Variants in ELMO1 observed in about 807,000 individuals in gnomAD.
ELMO1 encodes engulfment and cell motility 1.
ELMO1 carries 26 observed loss-of-function variants against 98.9 expected under a neutral mutation model. The observed-to-expected ratio is 0.26, with a 90% confidence interval of 0.19 to 0.36. The LOEUF (loss-of-function observed/expected upper bound fraction) is 0.36, where lower values mean the gene tolerates loss of function less well. Ranked by LOEUF, ELMO1 falls within the 10% of genes least tolerant of loss-of-function variation. ELMO1 has a pLI of 1.00. For missense variants in ELMO1, 627 were observed against 935.2 expected, an observed-to-expected ratio of 0.67 and a Z score of 4.30; for synonymous variants, 346 against 346.0, an observed-to-expected ratio of 1.00 and a Z score of 0.00.
At chr7:37,265,013 T>C (rs1007279670) in intron 5 of ELMO1, among the ~76,000 whole-genome samples, 1 of 152,200 alleles carries the variant, frequency 6.6e-6, no homozygotes, top group South Asian at 2.1e-4. Flanking sequence ...GTTTGCTGTG[T>C]CCCTTCAGAA....
chr7:37,187,357 C>T (rs1011620900), intron 13 of ELMO1, among the ~76,000 whole-genome samples: 1 of 152,086 alleles, frequency 6.6e-6, no homozygotes, highest in African/African-American at 2.4e-5. Flanking sequence ...AATGAAAATG[C>T]TCTAAAATTG....
intron 15 of ELMO1, among the ~76,000 whole-genome samples, chr7:37,079,379 A>C (rs979324100): frequency 6.6e-6 from 1 of 152,230 alleles, no homozygotes; most frequent in African/African-American, 2.4e-5. Context: ...GACACTCTTG[A>C]AAAAGTATAA....
At chr7:37,155,117 T>C (rs1381491128) in intron 13 of ELMO1, among the ~76,000 whole-genome samples, 2 of 152,194 alleles carry the variant, frequency 1.3e-5, no homozygotes. Flanking sequence ...CTGAGAGATT[T>C]TGTCACCACC....
chr7:37,021,756 G>A (rs556090722), intron 15 of ELMO1, among the ~76,000 whole-genome samples: 8 of 152,208 alleles, frequency 5.3e-5, no homozygotes, highest in Admixed American at 1.3e-4. Context: ...TGATTCATAT[G>A]TTAACCGAGA....
chr7:37,298,215 A>T (rs1798147858), intron 4 of ELMO1, among the ~76,000 whole-genome samples: 1 of 151,824 alleles, frequency 6.6e-6, no homozygotes, highest in South Asian at 2.1e-4. Context: ...GTCTAGAGCT[A>T]CAAGAGAGGG....
chr7:37,154,130 G>C (rs974242368), intron 13 of ELMO1, among the ~76,000 whole-genome samples: 1 of 152,116 alleles, frequency 6.6e-6, no homozygotes, highest in African/African-American at 2.4e-5. Flanking sequence ...CAACAAAAAA[G>C]GACATCCACA....
At chr7:37,362,233 T>TAA (rs869037291) in intron 1 of ELMO1, among the ~76,000 whole-genome samples, 3 of 151,802 alleles carry the variant, frequency 2.0e-5, no homozygotes, top group Admixed American at 2.0e-4. Context: ...TATATATATA[T>TAA]AATTTCTCCG....
Position 37,309,547 on chromosome 7 carries a change from A to G in ELMO1, c.192+5303T>C, listed in dbSNP as rs76985216. Among the ~76,000 whole-genome samples, 413 of 152,320 alleles carry G rather than the reference A, an allele frequency of 2.7e-3. 3 individuals are homozygous for G. The highest frequency in any genetic ancestry group is 9.2e-3 in the African/African-American group (381 of 41,570). On this transcript the variant is annotated intron_variant, in intron 4 of 21. Transcript: ENST00000310758. ...ACAGTGACTTCAGTTGATCAAATCC[A>G]GAGTCCTTCACCAAAGGCAGCACGA...
chr7:36,945,839 T>C (rs1216619317), intron 16 of ELMO1, among the ~76,000 whole-genome samples: 2 of 152,210 alleles, frequency 1.3e-5, no homozygotes, highest in African/African-American at 2.4e-5. Context: ...TCTTTTCAAC[T>C]GGACCAACTT....
chr7:37,121,939 G>A (rs555992389), intron 14 of ELMO1, among the ~76,000 whole-genome samples: 14 of 152,268 alleles, frequency 9.2e-5, no homozygotes, highest in African/African-American at 1.9e-4. Flanking sequence ...CTGATCTCTC[G>A]GCAGAAACTC....
In ELMO1 at chr7:37,120,561, G is replaced by A. The variant is rs575385315; in HGVS notation, c.1191+12569C>T. ...GCAGTCTGAGATCAAACTTCAACGC[G>A]GCAGCGAGTCTAGGGGAGGGGCACC... On this transcript the variant is annotated intron_variant, in intron 14 of 21. Coordinates refer to ENST00000310758, the MANE Select transcript of ELMO1 (RefSeq NM_014800.11). Among the ~76,000 whole-genome samples, 12 of 152,302 alleles carry A rather than the reference G, an allele frequency of 7.9e-5. No homozygotes were observed. In the East Asian group the frequency reaches 1.9e-3, roughly 25 times the overall value.
At chr7:37,103,856 T>A (rs1469729308) in intron 14 of ELMO1, among the ~76,000 whole-genome samples, 1 of 148,774 alleles carries the variant, frequency 6.7e-6, no homozygotes, top group Non-Finnish European at 1.5e-5. Flanking sequence ...ATATATATAT[T>A]AGCCGGGCAT....
At chr7:37,139,240 T>C (rs749876543) in intron 13 of ELMO1, among the ~76,000 whole-genome samples, 3 of 151,946 alleles carry the variant, frequency 2.0e-5, no homozygotes, top group Non-Finnish European at 2.9e-5. Context: ...ACAAGAGAAA[T>C]AAATAAAGGG....
At chr7:37,138,922 A>T (rs1261217395) in intron 13 of ELMO1, among the ~76,000 whole-genome samples, 1 of 152,200 alleles carries the variant, frequency 6.6e-6, no homozygotes, top group Non-Finnish European at 1.5e-5. Flanking sequence ...GGTTTAACAC[A>T]TATAAGTCAA....
intron 15 of ELMO1, among the ~76,000 whole-genome samples, chr7:37,022,950 A>G (rs1794358506): frequency 6.6e-6 from 1 of 152,276 alleles, no homozygotes; most frequent in African/African-American, 2.4e-5. Context: ...AATAACTTTC[A>G]CAATAGCATG....
intron 16 of ELMO1, among the ~76,000 whole-genome samples, chr7:37,004,830 G>T (rs766031643): frequency 7.9e-5 from 12 of 152,086 alleles, no homozygotes; most frequent in Non-Finnish European, 1.3e-4. Flanking sequence ...AATTACATGG[G>T]CCGGGCGCGG....
chr7:37,335,381 G>A (rs544408980), intron 2 of ELMO1, among the ~76,000 whole-genome samples: 23 of 152,206 alleles, frequency 1.5e-4, no homozygotes, highest in South Asian at 4.1e-4. Flanking sequence ...GGGAACAAGC[G>A]TCTAAAGGAG....
intron 8 of ELMO1, 45 bp from the exon 9 acceptor site, chr7:37,225,075 A>G (rs1191615535): frequency 6.2e-7 from 1 of 1,610,536 alleles, no homozygotes; most frequent in East Asian, 2.2e-5. Flanking sequence ...TGGTAAGTAG[A>G]GCAGAGACGT....
intron 1 of ELMO1, among the ~76,000 whole-genome samples, chr7:37,414,107 A>G (rs1705818319): frequency 6.6e-6 from 1 of 152,138 alleles, no homozygotes; most frequent in South Asian, 2.1e-4. Context: ...TTAATATCAA[A>G]ATAATATTGA....
Sources: allele counts gnomAD v4.1 joint callset (sites outside exome capture counted in the v4.1 genomes callset), GRCh38; gene constraint gnomAD v4.1.1; transcripts MANE v1.5; gene names NCBI Gene and HGNC (gene_info 2026-07-23, HGNC 2026-07-21).